The following CPQ variants were observed in gnomAD, a reference collection of about 807,000 sequenced individuals.
The protein encoded by CPQ is carboxypeptidase Q.
Under a neutral mutation model 45.7 loss-of-function variants are expected in CPQ, and 37 were observed. The ratio of observed to expected loss-of-function variants is 0.81; its 90% CI spans 0.62 to 1.07. CPQ has a LOEUF of 1.07. Ranked by LOEUF, CPQ falls within the 50% of genes least tolerant of loss-of-function variation. The probability of loss-of-function intolerance (pLI) is 0.00; values close to 1 mark genes in which losing one functional copy is unlikely to be tolerated. For synonymous variants in CPQ, 186 were observed against 205.8 expected (o/e 0.90, Z 0.82); for missense variants, 537 against 572.9 (o/e 0.94, Z 0.64).
intron 3 of CPQ, among the ~76,000 whole-genome samples, chr8:96,846,587 C>G (rs1811693870): frequency 6.6e-6 from 1 of 152,134 alleles, no homozygotes; most frequent in South Asian, 2.1e-4. Flanking sequence ...CTCTCTCTCT[C>G]TCTCTGTTTC....
intron 7 of CPQ, among the ~76,000 whole-genome samples, chr8:97,094,929 C>A (rs193171182): frequency 6.6e-6 from 1 of 152,212 alleles, no homozygotes; most frequent in East Asian, 1.9e-4. Context: ...TCCTTTTGGC[C>A]AAATTGAACT....
chr8:96,665,748 C>T (rs1331312656), intron 1 of CPQ, among the ~76,000 whole-genome samples: 1 of 152,128 alleles, frequency 6.6e-6, no homozygotes, highest in South Asian at 2.1e-4. Context: ...CTTAGATTAG[C>T]TTGTCTTGCT....
At chr8:96,699,719 T>C (rs145895857) in intron 1 of CPQ, among the ~76,000 whole-genome samples, 173 of 152,180 alleles carry the variant, frequency 1.1e-3, no homozygotes, top group African/African-American at 3.8e-3. Context: ...CATATGGTAC[T>C]GAGGGCCCAA....
At chr8:96,728,150 A>T (rs1053395877) in intron 1 of CPQ, among the ~76,000 whole-genome samples, 1 of 152,140 alleles carries the variant, frequency 6.6e-6, no homozygotes, top group Non-Finnish European at 1.5e-5. Context: ...AGGCAGGGCA[A>T]TGTCTGATTA....
chr8:96,872,397 TA>T (rs1366776413), intron 3 of CPQ, among the ~76,000 whole-genome samples: 2 of 151,928 alleles, frequency 1.3e-5, no homozygotes, highest in Admixed American at 6.6e-5. Flanking sequence ...ATTTTTGGAT[TA>T]GGGATGCTTA....
At chr8:96,991,551 GTCATAATAATAATAA>G (rs1306221705) in intron 5 of CPQ, among the ~76,000 whole-genome samples, 4 of 114,614 alleles carry the variant, frequency 3.5e-5, no homozygotes, top group African/African-American at 1.5e-4. Context: ...ACAAGAGTCT[GTCATAATAATAATAA>G]TAATAATAAT....
At chr8:96,847,885 G>GAAA (rs1205749613) in intron 3 of CPQ, among the ~76,000 whole-genome samples, 1 of 117,234 alleles carries the variant, frequency 8.5e-6, no homozygotes, top group Non-Finnish European at 1.8e-5. Flanking sequence ...TGAGGAGTAT[G>GAAA]AAAAGAGCTT....
intron 5 of CPQ, among the ~76,000 whole-genome samples, chr8:96,993,366 G>C (rs1482080938): frequency 6.6e-6 from 1 of 152,090 alleles, no homozygotes; most frequent in Non-Finnish European, 1.5e-5. Context: ...TTTAGTACAA[G>C]CTTATGCATC....
chr8:96,981,301 G>T (rs1470828777), intron 5 of CPQ, among the ~76,000 whole-genome samples: 1 of 152,106 alleles, frequency 6.6e-6, no homozygotes, highest in Non-Finnish European at 1.5e-5. Flanking sequence ...TCTTTTAAAA[G>T]GAATATATTT....
At chr8:96,870,862 G>T (rs77828947) in intron 3 of CPQ, among the ~76,000 whole-genome samples, 1 of 151,842 alleles carries the variant, frequency 6.6e-6, no homozygotes, top group Non-Finnish European at 1.5e-5. Flanking sequence ...AATCTGTGGC[G>T]TTGAGGGATC....
At chr8:96,645,449 G>A (rs909292276) in intron 1 of CPQ, 47 bp downstream of exon 1, 1 of 152,684 alleles carries the variant, frequency 6.5e-6, no homozygotes, top group South Asian at 2.1e-4. Context: ...GCTGGGCCGA[G>A]GCCTTGGCTC....
chr8:96,881,650 G>A (rs1812224644), intron 4 of CPQ, among the ~76,000 whole-genome samples: 1 of 152,208 alleles, frequency 6.6e-6, no homozygotes, highest in African/African-American at 2.4e-5. Flanking sequence ...AGGCAGCTAA[G>A]AAGGAATTCA....
At chr8:97,055,487 G>C (rs991822139) in intron 6 of CPQ, 3 of 152,160 alleles carry the variant, frequency 2.0e-5, no homozygotes, top group Non-Finnish European at 2.9e-5. Context: ...CTCACCTTCA[G>C]ATTCTCCCTG....
intron 4 of CPQ, among the ~76,000 whole-genome samples, chr8:96,942,451 TTC>T (rs1295620219): frequency 6.6e-6 from 1 of 152,108 alleles, no homozygotes. Context: ...TAGTTTTGGT[TTC>T]TCTGTTTGAG....
intron 4 of CPQ, among the ~76,000 whole-genome samples, chr8:96,919,137 T>G (rs977697684): frequency 1.3e-5 from 2 of 152,032 alleles, no homozygotes; most frequent in Non-Finnish European, 1.5e-5. Flanking sequence ...GCCTTTTTTT[T>G]TGTGCTGTTG....
intron 1 of CPQ, among the ~76,000 whole-genome samples, chr8:96,767,412 A>G (rs1810481054): frequency 6.6e-6 from 1 of 151,832 alleles, no homozygotes; most frequent in African/African-American, 2.4e-5. Flanking sequence ...CCTCTTCCCA[A>G]GCCGTTTTTG....
chr8:96,946,685 A>G (rs542598344), intron 4 of CPQ, among the ~76,000 whole-genome samples: 1 of 150,210 alleles, frequency 6.7e-6, no homozygotes, highest in African/African-American at 2.5e-5. Flanking sequence ...GTACCTCAAG[A>G]TTCCCTAAAT....
intron 3 of CPQ, among the ~76,000 whole-genome samples, chr8:96,855,790 G>A (rs113958293): frequency 0.029 from 4,410 of 152,268 alleles, 157 homozygotes; most frequent in Middle Eastern, 0.092. Flanking sequence ...AGATAAAATA[G>A]GGTAATGCAT....
intron 7 of CPQ, among the ~76,000 whole-genome samples, chr8:97,080,969 G>A (rs1025306034): frequency 6.9e-5 from 4 of 58,108 alleles, no homozygotes; most frequent in Admixed American, 4.2e-4. Flanking sequence ...TGTATTTTTT[G>A]TAATAGCTTG....
Sources: gnomAD v4.1 joint callset for allele counts (sites outside exome capture counted in the v4.1 genomes callset) on GRCh38, gnomAD v4.1.1 for gene constraint, MANE v1.5 for transcripts, NCBI Gene and HGNC (gene_info 2026-07-23, HGNC 2026-07-21) for gene names.